YY1: variants seen among roughly 807,000 people sequenced by gnomAD.
YY1 encodes the protein YY1 transcription factor.
Under a neutral mutation model 35.6 loss-of-function variants are expected in YY1, and 2 were observed. The observed-to-expected ratio is 0.06, with a 90% CI of 0.02 to 0.18. The LOEUF (loss-of-function observed/expected upper bound fraction) is 0.18. Ranked by LOEUF, YY1 falls within the 10% of genes least tolerant of loss-of-function variation. The probability of loss-of-function intolerance (pLI) is 1.00; values close to 1 mark genes in which losing one functional copy is unlikely to be tolerated. For missense variants in YY1, 322 were observed against 573.4 expected, an observed-to-expected ratio of 0.56 and a Z score of 4.48; for synonymous variants, 268 against 238.9, an observed-to-expected ratio of 1.12 and a Z score of -1.12.
chr14:100,253,687 C>T (rs1239611360), intron 1 of YY1, among the ~76,000 whole-genome samples: 1 of 151,098 alleles, frequency 6.6e-6, no homozygotes, highest in Non-Finnish European at 1.5e-5. Flanking sequence ...CCAGTGTACC[C>T]AGCCAACCAG....
chr14:100,254,168 T>C (rs1322869753), intron 1 of YY1, among the ~76,000 whole-genome samples: 1 of 152,154 alleles, frequency 6.6e-6, no homozygotes, highest in Non-Finnish European at 1.5e-5. Context: ...AAGAAACATA[T>C]GTACATATGG....
intron 1 of YY1, among the ~76,000 whole-genome samples, chr14:100,254,210 T>G (rs1217863568): frequency 7.9e-5 from 12 of 152,318 alleles, no homozygotes; most frequent in East Asian, 7.7e-4. Flanking sequence ...ATTACTAGCT[T>G]CTTTTACAGC....
intron 1 of YY1, among the ~76,000 whole-genome samples, chr14:100,240,928 G>T (rs892406551): frequency 6.6e-6 from 1 of 152,070 alleles, no homozygotes; most frequent in Admixed American, 6.6e-5. Flanking sequence ...TTGTAGAAAG[G>T]TATCTATTTT....
chr14:100,257,719 G>A (rs1022916621), intron 1 of YY1, among the ~76,000 whole-genome samples: 2 of 152,132 alleles, frequency 1.3e-5, no homozygotes, highest in African/African-American at 2.4e-5. Flanking sequence ...TCTAGCTTCC[G>A]AACTGTGGGA....
chr14:100,269,335 C>T (rs540405500), intron 2 of YY1, among the ~76,000 whole-genome samples: 3 of 151,704 alleles, frequency 2.0e-5, no homozygotes, highest in South Asian at 2.1e-4. Flanking sequence ...AAACCGAGGC[C>T]GAGAAGTTAC....
rs890216054 is a variant in YY1, at chr14:100,276,209, G to A, written c.904-281G>A. 3 of 425,350 alleles carry A rather than the reference G, an allele frequency of 7.1e-6. No individual in the cohort carries two copies. The highest frequency in any genetic ancestry group is 6.1e-5 in the African/African-American group (3 of 49,428). 26.3% of individuals were successfully genotyped at this position (425,350 alleles called of 1,614,324 possible). On this transcript the variant is annotated intron_variant, in intron 3 of 4. Transcript: ENST00000262238. The surrounding 1 kb of genome is among the most constrained non-coding windows in gnomAD (Gnocchi z 4.1). Reference sequence around the variant, plus strand: ...GGTGTTGGGTTCTATTCCCAGTTTGGCTACTACTAGTAGTGTGACCTTGGG... The same window carrying A: ...GGTGTTGGGTTCTATTCCCAGTTTGACTACTACTAGTAGTGTGACCTTGGG...
At chr14:100,275,721 C>T (rs532389737) in intron 3 of YY1, 1 of 152,382 alleles carries the variant, frequency 6.6e-6, no homozygotes, top group South Asian at 2.1e-4. Flanking sequence ...GCTTCCCTCT[C>T]CCTTCTGCCT....
At chr14:100,269,218 A>G (rs1891198441) in intron 2 of YY1, among the ~76,000 whole-genome samples, 2 of 152,148 alleles carry the variant, frequency 1.3e-5, no homozygotes. Flanking sequence ...ACTCATTTTT[A>G]GCTAGACCCA....
intron 2 of YY1, among the ~76,000 whole-genome samples, chr14:100,263,180 G>A (rs1891108420): frequency 1.3e-5 from 2 of 152,232 alleles, no homozygotes; most frequent in Admixed American, 1.3e-4. Context: ...CAAAGTGCTA[G>A]GATACAGGCA....
At position 100,270,005 on chromosome 14, in the gene YY1, G is replaced by A. The variant is rs1433313590; in HGVS notation, c.843-4693G>A. On this transcript the variant is annotated intron_variant, in intron 2 of 4. Coordinates refer to ENST00000262238, the MANE Select transcript of YY1 (RefSeq NM_003403.5). ...TGGCCAGGCGCGGTGGCTCATGCCT[G>A]TAATCCCAGCACTTTGCGAGGCTGA... 6.6e-5 allele frequency among the ~76,000 whole-genome samples: 10 copies of A among 152,086 alleles called. No homozygotes were observed. In the East Asian group the frequency reaches 1.7e-3, roughly 26 times the overall value.
In YY1 at chr14:100,239,412, T is replaced by G. The variant is rs760870988; in HGVS notation, c.168T>G (p.Gly56=). ...ACGACGACGACGAGGACGGCGGCGGTGGCGACCACGGCGGCGGGGGCGGCC... is the reference window on the plus strand; with the variant it reads ...ACGACGACGACGAGGACGGCGGCGGGGGCGACCACGGCGGCGGGGGCGGCC... The part of the protein sequence containing the change: ...EEDDDDEDGG[G]GDHGGGGGHG... The change falls in exon 1 of 5, where the codon GGT becomes GGG. Residue 56 remains glycine (G), a synonymous_variant. Transcript: ENST00000262238. The G allele has an allele frequency of 1.4e-5, 22 of 1,588,772 alleles. No homozygotes were observed. Among genetic ancestry groups the G allele is most frequent in the East Asian group, 4.6e-5 (2 of 43,530 alleles).
At chr14:100,250,576 C>T (rs746254411) in intron 1 of YY1, among the ~76,000 whole-genome samples, 16 of 152,042 alleles carry the variant, frequency 1.1e-4, no homozygotes, top group Non-Finnish European at 1.6e-4. Flanking sequence ...CTTATACTAC[C>T]TTCATCTGAT....
rs983121231 is a variant in YY1 at position 100,276,130 on chromosome 14, T to G, written c.904-360T>G. On this transcript the variant is annotated intron_variant, in intron 3 of 4. Coordinates refer to ENST00000262238, the MANE Select transcript of YY1 (RefSeq NM_003403.5). The surrounding 1 kb of genome is among the most constrained non-coding windows in gnomAD (Gnocchi z 4.1). ...ATTTGCTTAGCAGTGCTTCTGTTAC[T>G]TCATTTTGGGGGACATAGTCGGGTG... is the stretch of plus-strand genomic sequence containing the variant. The G allele has an allele frequency of 1.2e-5, 4 of 337,332 alleles. No individual in the cohort carries two copies. The highest frequency in any genetic ancestry group is 2.1e-5 in the African/African-American group (1 of 46,598). 20.9% of individuals were successfully genotyped at this position (337,332 alleles called of 1,614,324 possible). A position where few individuals can be genotyped will look rare whatever the true frequency, so the allele number is the denominator to read the frequency against.
intron 1 of YY1, among the ~76,000 whole-genome samples, chr14:100,249,403 AG>A: frequency 6.6e-6 from 1 of 152,154 alleles, no homozygotes; most frequent in Non-Finnish European, 1.5e-5. Flanking sequence ...TACAGGCGTG[AG>A]ACACCGTGCC....
intron 1 of YY1, among the ~76,000 whole-genome samples, chr14:100,248,634 C>T (rs1473217085): frequency 6.6e-6 from 1 of 150,422 alleles, no homozygotes; most frequent in Non-Finnish European, 1.5e-5. Flanking sequence ...TCCCTAGTAG[C>T]TGGGACTAGA....
At chr14:100,271,212 A>C (rs1891233527) in intron 2 of YY1, among the ~76,000 whole-genome samples, 1 of 152,222 alleles carries the variant, frequency 6.6e-6, no homozygotes. Flanking sequence ...GCGCCACTGC[A>C]CTCCAGCCTG....
intron 1 of YY1, among the ~76,000 whole-genome samples, chr14:100,258,919 CCT>C (rs899407975): frequency 3.9e-4 from 60 of 152,328 alleles, no homozygotes; most frequent in African/African-American, 1.3e-3. Context: ...TCTTGATCTT[CCT>C]CTCATACTCC....
In YY1 at chr14:100,278,796, G is replaced by A. The variant is rs533564962; in HGVS notation, c.*1196G>A. On this transcript the variant is annotated 3_prime_UTR_variant, in exon 5 of 5. Transcript: ENST00000262238. ...AAGCATCTGTACCACCGCGCAGGCT[G>A]AGCGCCTGCGCAGGGTAAGGTGCCA... is the stretch of plus-strand genomic sequence containing the variant. The A allele has an allele frequency of 6.6e-6, 1 of 152,368 alleles. No homozygotes were observed. The highest frequency in any genetic ancestry group is 2.4e-5 in the African/African-American group (1 of 41,590). The allele number at this position is 152,368 out of a possible 1,614,324, so 9.4% of individuals were successfully genotyped here.
intron 2 of YY1, among the ~76,000 whole-genome samples, chr14:100,270,537 C>T (rs1402402182): frequency 6.7e-6 from 1 of 149,460 alleles, no homozygotes; most frequent in Non-Finnish European, 1.5e-5. Context: ...GCAGGAGAAT[C>T]GCTTGAACCC....
Sources: allele counts gnomAD v4.1 joint callset (sites outside exome capture counted in the v4.1 genomes callset), GRCh38; gene constraint gnomAD v4.1.1; non-coding constraint Gnocchi (gnomAD v3.1); transcripts MANE v1.5; gene names NCBI Gene and HGNC (gene_info 2026-07-23, HGNC 2026-07-21).